Variants in WDR70 observed in about 807,000 individuals in gnomAD.
WDR70 encodes WD repeat-containing protein 70.
In WDR70, 53 loss-of-function variants were observed where a neutral mutation model predicts 88.6. That is an observed-to-expected ratio of 0.60 (90% CI 0.48 to 0.75). The LOEUF (loss-of-function observed/expected upper bound fraction) is 0.75. WDR70 is among the 30% of genes least tolerant of loss of function. WDR70 has a pLI of 0.00. For synonymous variants in WDR70, 280 were observed against 270.0 expected (o/e 1.04, Z -0.36); for missense variants, 610 against 823.2 (o/e 0.74, Z 3.17).
intron 13 of WDR70, among the ~76,000 whole-genome samples, chr5:37,716,960 T>G (rs867655664): frequency 2.6e-5 from 4 of 152,278 alleles, no homozygotes; most frequent in Middle Eastern, 3.4e-3. Context: ...CTCTCTTTTT[T>G]CTTTGGTCTC....
At chr5:37,693,223 A>G (rs1463949029) in intron 10 of WDR70, among the ~76,000 whole-genome samples, 1 of 152,238 alleles carries the variant, frequency 6.6e-6, no homozygotes, top group African/African-American at 2.4e-5. Flanking sequence ...ACACAAACAA[A>G]TAGAAGAACA....
chr5:37,454,450 A>T (rs1738772809), intron 7 of WDR70, among the ~76,000 whole-genome samples: 1 of 152,216 alleles, frequency 6.6e-6, no homozygotes, highest in South Asian at 2.1e-4. Flanking sequence ...TGGTATTTGT[A>T]GTTCTTGCTA....
chr5:37,466,033 C>T (rs1044293494), intron 7 of WDR70, among the ~76,000 whole-genome samples: 8 of 151,882 alleles, frequency 5.3e-5, no homozygotes, highest in Admixed American at 1.3e-4. Context: ...ACCCTTGTAT[C>T]GTACTTTACC....
intron 9 of WDR70, among the ~76,000 whole-genome samples, chr5:37,526,195 G>A (rs1741264966): frequency 6.6e-6 from 1 of 152,104 alleles, no homozygotes; most frequent in Non-Finnish European, 1.5e-5. Context: ...GAGAATTTTA[G>A]ACCAATATCC....
intron 10 of WDR70, among the ~76,000 whole-genome samples, chr5:37,689,815 C>A (rs866325908): frequency 6.6e-6 from 1 of 152,200 alleles, no homozygotes; most frequent in Admixed American, 6.5e-5. Context: ...CTCCAAAGAT[C>A]GCAGCTCCTC....
chr5:37,680,520 TTA>T (rs1317711082), intron 10 of WDR70, among the ~76,000 whole-genome samples: 1 of 152,224 alleles, frequency 6.6e-6, no homozygotes, highest in East Asian at 1.9e-4. Context: ...TCTAGGATTT[TTA>T]TAGTTTTGGG....
chr5:37,496,169 C>G (rs1030992427), intron 8 of WDR70, among the ~76,000 whole-genome samples: 1 of 152,158 alleles, frequency 6.6e-6, no homozygotes, highest in South Asian at 2.1e-4. Flanking sequence ...CCAATCAGTG[C>G]TCTGTAAAAT....
intron 10 of WDR70, among the ~76,000 whole-genome samples, chr5:37,686,951 AAATAATAATAATAATAAT>A (rs70978838): frequency 7.0e-6 from 1 of 143,082 alleles, no homozygotes. Flanking sequence ...CTCTGTCTCA[AAATAATAATAATAATAAT>A]AATAATAATA....
chr5:37,473,414 G>T (rs1739387897), intron 7 of WDR70, among the ~76,000 whole-genome samples: 3 of 150,428 alleles, frequency 2.0e-5, no homozygotes, highest in Admixed American at 6.6e-5. Context: ...CATGATCTCG[G>T]CTCACTGTAA....
intron 10 of WDR70, among the ~76,000 whole-genome samples, chr5:37,669,805 T>C (rs992920482): frequency 6.6e-6 from 1 of 152,192 alleles, no homozygotes. Context: ...AAATAAAATG[T>C]GGTACATCCA....
At chr5:37,498,709 A>T (rs931162723) in intron 8 of WDR70, among the ~76,000 whole-genome samples, 4 of 152,236 alleles carry the variant, frequency 2.6e-5, no homozygotes, top group African/African-American at 7.2e-5. Context: ...CCTGTAAGTT[A>T]AACTTGACTT....
chr5:37,631,917 G>A (rs550791787), intron 10 of WDR70, among the ~76,000 whole-genome samples: 1 of 152,326 alleles, frequency 6.6e-6, no homozygotes, highest in African/African-American at 2.4e-5. Context: ...GGTGAGTGGG[G>A]AGGAGAGCCA....
intron 9 of WDR70, among the ~76,000 whole-genome samples, chr5:37,594,844 G>C (rs927659702): frequency 6.6e-6 from 1 of 152,136 alleles, no homozygotes; most frequent in Non-Finnish European, 1.5e-5. Context: ...TCTCCTTGAA[G>C]AGGTCCTTCA....
chr5:37,387,528 A>T (rs1381396162), intron 3 of WDR70, among the ~76,000 whole-genome samples: 1 of 152,176 alleles, frequency 6.6e-6, no homozygotes, highest in Non-Finnish European at 1.5e-5. Context: ...ATCTAAACAC[A>T]TGAATCTAAA....
At chr5:37,582,261 A>G (rs1743241002) in intron 9 of WDR70, among the ~76,000 whole-genome samples, 1 of 152,204 alleles carries the variant, frequency 6.6e-6, no homozygotes, top group Non-Finnish European at 1.5e-5. Context: ...CTAGTTAACT[A>G]TAGGGATAGG....
chr5:37,611,479 A>G (rs1165135536), intron 10 of WDR70, among the ~76,000 whole-genome samples: 2 of 152,054 alleles, frequency 1.3e-5, no homozygotes, highest in African/African-American at 2.4e-5. Flanking sequence ...TTTCATTTAT[A>G]TCTATTAGAG....
chr5:37,421,074 A>C lies in WDR70; in HGVS notation c.493-16848A>C, dbSNP rs75890204. On this transcript the variant is annotated intron_variant, in intron 5 of 17. Transcript: ENST00000265107. ...TACTGCTCCAGTGAAGTGGAGGTAC[A>C]GTTATCCATCCCCTTTCGACAGGTG... is the stretch of plus-strand genomic sequence containing the variant. Among the ~76,000 whole-genome samples, 229 of 152,352 alleles carry C rather than the reference A, an allele frequency of 1.5e-3. 3 individuals carry two copies. Among genetic ancestry groups the C allele is most frequent in the African/African-American group, 5.3e-3 (221 of 41,584 alleles).
At chr5:37,469,182 T>C (rs1285813064) in intron 7 of WDR70, among the ~76,000 whole-genome samples, 1 of 152,150 alleles carries the variant, frequency 6.6e-6, no homozygotes, top group Admixed American at 6.5e-5. Context: ...TTTCCTTTTG[T>C]CTCCTTTATT....
chr5:37,505,570 T>A (rs1289259539), intron 8 of WDR70: 1 of 665,850 alleles, frequency 1.5e-6, no homozygotes, highest in Non-Finnish European at 2.7e-6. Flanking sequence ...ATTCTCTCAA[T>A]GTTTTTTAAA....
Sources: gnomAD v4.1 joint callset for allele counts (sites outside exome capture counted in the v4.1 genomes callset) on GRCh38, gnomAD v4.1.1 for gene constraint, MANE v1.5 for transcripts, NCBI Gene and HGNC (gene_info 2026-07-23, HGNC 2026-07-21) for gene names.